ADAMTSL1: variants seen among roughly 807,000 people sequenced by gnomAD.
The protein encoded by ADAMTSL1 is ADAMTS like 1, also known as ADAMTS-like protein 1.
In ADAMTSL1, 126 loss-of-function variants were observed where a neutral mutation model predicts 201.8. That is an observed-to-expected ratio of 0.62 (90% CI 0.54 to 0.72). The LOEUF is 0.72. Among genes scored for constraint, ADAMTSL1 ranks in the 30% least tolerant of loss-of-function variants. ADAMTSL1 has a pLI of 0.00. For synonymous variants in ADAMTSL1, 1,121 were observed against 903.4 expected (o/e 1.24, Z -4.32); for missense variants, 2,679 against 2,277.8 (o/e 1.18, Z -3.59).
intron 2 of ADAMTSL1, among the ~76,000 whole-genome samples, chr9:18,324,399 G>A (rs960330430): frequency 4.2e-4 from 60 of 141,688 alleles, no homozygotes; most frequent in African/African-American, 1.6e-3. Flanking sequence ...TTGTGAAACA[G>A]AATACGCAAA....
chr9:18,797,895 A>T (rs930995416), intron 20 of ADAMTSL1, among the ~76,000 whole-genome samples: 9 of 152,142 alleles, frequency 5.9e-5, no homozygotes, highest in African/African-American at 2.2e-4. Context: ...CAATTCTAAA[A>T]TGTGCAAACC....
chr9:18,557,903 T>C (rs1435076577), intron 3 of ADAMTSL1, among the ~76,000 whole-genome samples: 1 of 152,080 alleles, frequency 6.6e-6, no homozygotes, highest in African/African-American at 2.4e-5. Flanking sequence ...CCCTGTTGCC[T>C]GGTAATTATA....
intron 1 of ADAMTSL1, among the ~76,000 whole-genome samples, chr9:18,023,472 C>T (rs1020937074): frequency 2.6e-5 from 4 of 152,094 alleles, no homozygotes; most frequent in Admixed American, 1.3e-4. Flanking sequence ...CTGCATATGA[C>T]CAGATGGGGT....
At chr9:17,978,301 A>G (rs1212518766) in intron 1 of ADAMTSL1, among the ~76,000 whole-genome samples, 1 of 152,116 alleles carries the variant, frequency 6.6e-6, no homozygotes, top group Non-Finnish European at 1.5e-5. Context: ...AGTGATTATC[A>G]ATAAGTAAAT....
At chr9:18,899,707 T>A (rs201997189) in intron 26 of ADAMTSL1, among the ~76,000 whole-genome samples, 3 of 152,160 alleles carry the variant, frequency 2.0e-5, no homozygotes, top group Admixed American at 1.3e-4. Context: ...CCCTACTTAA[T>A]AGATGGTGCT....
At chr9:18,178,814 G>A (rs1462577385) in intron 2 of ADAMTSL1, among the ~76,000 whole-genome samples, 1 of 152,182 alleles carries the variant, frequency 6.6e-6, no homozygotes, top group East Asian at 1.9e-4. Context: ...GCAGCTGAGG[G>A]TCCTGTCTGT....
chr9:18,425,166 C>T (rs138205357), intron 2 of ADAMTSL1, among the ~76,000 whole-genome samples: 24 of 152,182 alleles, frequency 1.6e-4, no homozygotes, highest in African/African-American at 5.3e-4. Flanking sequence ...TCCACTCTCT[C>T]TCCCTCTCTT....
At chr9:18,595,996 G>A (rs769669375) in intron 4 of ADAMTSL1, among the ~76,000 whole-genome samples, 37 of 152,192 alleles carry the variant, frequency 2.4e-4, no homozygotes, top group Non-Finnish European at 4.3e-4. Context: ...GTGGATAGGT[G>A]CAGAATTGTT....
At chr9:18,681,771 C>T (rs751908692) in intron 11 of ADAMTSL1, 41 bp from the exon 12 acceptor site, 4 of 1,444,958 alleles carry the variant, frequency 2.8e-6, no homozygotes, top group Non-Finnish European at 3.7e-6. Flanking sequence ...GTAAACAAGG[C>T]TTTGCCTACG....
At chr9:18,740,074 C>G (rs2133541465) in intron 15 of ADAMTSL1, among the ~76,000 whole-genome samples, 1 of 152,260 alleles carries the variant, frequency 6.6e-6, no homozygotes, top group East Asian at 1.9e-4. Context: ...ATTCCTCTGC[C>G]AAGCCAGGCT....
At chr9:18,666,720 G>A (rs1271318129) in intron 9 of ADAMTSL1, among the ~76,000 whole-genome samples, 2 of 152,108 alleles carry the variant, frequency 1.3e-5, no homozygotes, top group East Asian at 3.9e-4. Context: ...CCATCATGTG[G>A]CCAGAAAGCC....
intron 1 of ADAMTSL1, among the ~76,000 whole-genome samples, chr9:18,477,146 C>A (rs1450318529): frequency 1.3e-5 from 2 of 152,130 alleles, no homozygotes; most frequent in Non-Finnish European, 2.9e-5. Context: ...CTCCTTTGTC[C>A]CAATTGTTTA....
chr9:18,131,450 G>A (rs1157939187), intron 1 of ADAMTSL1, among the ~76,000 whole-genome samples: 1 of 152,104 alleles, frequency 6.6e-6, no homozygotes, highest in African/African-American at 2.4e-5. Context: ...TCACTGTTTG[G>A]GAAGGTTTCT....
intron 2 of ADAMTSL1, among the ~76,000 whole-genome samples, chr9:18,391,096 C>A (rs529546732): frequency 2.6e-5 from 4 of 152,270 alleles, no homozygotes; most frequent in Middle Eastern, 6.8e-3. Context: ...CACTCCATTG[C>A]TATTTAATAA....
chr9:18,035,785 A>G (rs2131619585), intron 1 of ADAMTSL1, among the ~76,000 whole-genome samples: 1 of 152,284 alleles, frequency 6.6e-6, no homozygotes. Flanking sequence ...TCGTTATTAC[A>G]ATATACCCAG....
chr9:18,128,416 G>T (rs188488755), intron 1 of ADAMTSL1, among the ~76,000 whole-genome samples: 8 of 152,084 alleles, frequency 5.3e-5, no homozygotes, highest in Admixed American at 2.6e-4. Context: ...AGGCTGCAGC[G>T]TAGTGGTGCA....
At chr9:18,858,037 C>T (rs1415996220) in intron 23 of ADAMTSL1, among the ~76,000 whole-genome samples, 1 of 104,738 alleles carries the variant, frequency 9.5e-6, no homozygotes, top group South Asian at 3.8e-4. Flanking sequence ...TCACTGCTCT[C>T]AGTACCCAGA....
At position 18,847,960 on chromosome 9, in the gene ADAMTSL1, G is replaced by T. The variant is rs116818342; in HGVS notation, c.4249+17983G>T. On this transcript the variant is annotated intron_variant, in intron 23 of 28. Coordinates refer to ENST00000380548, the MANE Select transcript of ADAMTSL1 (RefSeq NM_001040272.6). ...TCATGGGCTTTTCCAGCATTAGACA[G>T]GGGCAGGCAGAAGTGATTTAGTTTA... 8.3e-3 allele frequency among the ~76,000 whole-genome samples: 1,260 copies of T among 152,330 alleles called. 9 individuals carry two copies. The highest frequency in any genetic ancestry group is 0.021 in the African/African-American group (855 of 41,572).
chr9:18,072,650 G>A (rs1823020414), intron 1 of ADAMTSL1, among the ~76,000 whole-genome samples: 1 of 152,170 alleles, frequency 6.6e-6, no homozygotes, highest in Non-Finnish European at 1.5e-5. Context: ...ATATCTCTCA[G>A]AGACAACATT....
Sources: gnomAD v4.1 joint callset for allele counts (sites outside exome capture counted in the v4.1 genomes callset) on GRCh38, gnomAD v4.1.1 for gene constraint, MANE v1.5 for transcripts, NCBI Gene and HGNC (gene_info 2026-07-23, HGNC 2026-07-21) for gene names.